Variants in ADGRL3 observed in about 807,000 individuals in gnomAD.
ADGRL3 encodes the protein calcium-independent alpha-latrotoxin receptor 3.
Under a neutral mutation model 153.5 loss-of-function variants are expected in ADGRL3, and 62 were observed. That is an observed-to-expected ratio of 0.40 (90% confidence interval 0.33 to 0.50). The LOEUF (loss-of-function observed/expected upper bound fraction) is 0.50. Among genes scored for constraint, ADGRL3 ranks in the 20% least tolerant of loss-of-function variants. ADGRL3 has a pLI of 0.47. For missense variants in ADGRL3, 1,641 were observed against 1,859.4 expected (o/e 0.88, Z 2.16); for synonymous variants, 710 against 672.5 (o/e 1.06, Z -0.86).
intron 6 of ADGRL3, among the ~76,000 whole-genome samples, chr4:61,723,058 A>G (rs2096267565): frequency 6.6e-6 from 1 of 152,144 alleles, no homozygotes; most frequent in African/African-American, 2.4e-5. Flanking sequence ...AGGAAGTTTA[A>G]TTTTAGTCAA....
intron 17 of ADGRL3, among the ~76,000 whole-genome samples, chr4:61,959,965 G>A (rs189578761): frequency 6.6e-6 from 1 of 152,130 alleles, no homozygotes; most frequent in Non-Finnish European, 1.5e-5. Flanking sequence ...AGTATAAATA[G>A]TACTTTAACT....
intron 9 of ADGRL3, among the ~76,000 whole-genome samples, chr4:61,865,161 A>T (rs955679714): frequency 6.6e-6 from 1 of 152,204 alleles, no homozygotes; most frequent in Non-Finnish European, 1.5e-5. Context: ...GTATTTTCAT[A>T]ATCAATTTTC....
chr4:61,637,050 A>G (rs1357286754), intron 5 of ADGRL3, among the ~76,000 whole-genome samples: 1 of 152,152 alleles, frequency 6.6e-6, no homozygotes, highest in East Asian at 1.9e-4. Flanking sequence ...TACATATAAC[A>G]ATATTATGAG....
intron 18 of ADGRL3, among the ~76,000 whole-genome samples, chr4:61,982,095 T>C (rs1432854735): frequency 6.6e-6 from 1 of 152,208 alleles, no homozygotes; most frequent in Non-Finnish European, 1.5e-5. Flanking sequence ...GAATGTATCA[T>C]TTTATTCTCT....
intron 4 of ADGRL3, among the ~76,000 whole-genome samples, chr4:61,571,617 A>G (rs1352074741): frequency 1.3e-5 from 2 of 152,156 alleles, no homozygotes; most frequent in Non-Finnish European, 2.9e-5. Flanking sequence ...AGGCCCCCAG[A>G]TGGCTCTCTG....
intron 2 of ADGRL3, among the ~76,000 whole-genome samples, chr4:61,409,465 T>C (rs956154056): frequency 1.5e-4 from 22 of 147,886 alleles, no homozygotes; most frequent in Admixed American, 6.2e-4. Context: ...TTCATATTTA[T>C]CAAACAGGAT....
chr4:61,531,655 A>G (rs1219724714), intron 4 of ADGRL3, among the ~76,000 whole-genome samples: 3 of 152,174 alleles, frequency 2.0e-5, no homozygotes, highest in Non-Finnish European at 4.4e-5. Context: ...GAAATTACAA[A>G]TGAATAGATA....
intron 8 of ADGRL3, among the ~76,000 whole-genome samples, chr4:61,734,249 T>A (rs1451986613): frequency 2.0e-5 from 3 of 152,088 alleles, no homozygotes; most frequent in Admixed American, 1.3e-4. Context: ...TACCTTTAAT[T>A]TTTTTTTCAT....
intron 1 of ADGRL3, among the ~76,000 whole-genome samples, chr4:61,301,883 G>A (rs1020830715): frequency 6.6e-6 from 1 of 152,070 alleles, no homozygotes; most frequent in Non-Finnish European, 1.5e-5. Context: ...TATTACCAGA[G>A]CTTAAAAAGA....
chr4:61,781,520 C>T (rs1167796265), intron 8 of ADGRL3, among the ~76,000 whole-genome samples: 4 of 151,800 alleles, frequency 2.6e-5, no homozygotes, highest in South Asian at 2.1e-4. Flanking sequence ...GAGTAGTAGC[C>T]GGTTATTCTG....
At chr4:61,854,598 T>A (rs1344734478) in intron 9 of ADGRL3, among the ~76,000 whole-genome samples, 1 of 152,188 alleles carries the variant, frequency 6.6e-6, no homozygotes, top group East Asian at 1.9e-4. Flanking sequence ...GAGACAAATC[T>A]CCTGTAGAAA....
chr4:61,998,116 A>C, intron 20 of ADGRL3, 58 bp from the exon 21 acceptor site: 1 of 807,918 alleles, frequency 1.2e-6, no homozygotes, highest in Non-Finnish European at 2.0e-6. Flanking sequence ...TAGAGAATAA[A>C]TTTGCTTTTT....
At chr4:61,584,459 C>T (rs1272150644) in intron 4 of ADGRL3, among the ~76,000 whole-genome samples, 1 of 151,884 alleles carries the variant, frequency 6.6e-6, no homozygotes. Context: ...CAGTGAAGAC[C>T]CAGATTACAG....
At chr4:61,510,171 A>T (rs1182793809) in intron 3 of ADGRL3, among the ~76,000 whole-genome samples, 3 of 152,148 alleles carry the variant, frequency 2.0e-5, no homozygotes, top group Non-Finnish European at 2.9e-5. Flanking sequence ...TGTTTGTCAG[A>T]TGCATAGTTT....
At chr4:61,949,229 G>T (rs1488614761) in intron 17 of ADGRL3, among the ~76,000 whole-genome samples, 1 of 152,148 alleles carries the variant, frequency 6.6e-6, no homozygotes, top group East Asian at 1.9e-4. Context: ...GGCTGACTCA[G>T]ATCCCGTGTT....
intron 4 of ADGRL3, among the ~76,000 whole-genome samples, chr4:61,526,017 A>G (rs1358339673): frequency 2.6e-5 from 4 of 152,134 alleles, no homozygotes; most frequent in Admixed American, 1.3e-4. Flanking sequence ...GGGAGGGACA[A>G]GGAGGGATGC....
intron 10 of ADGRL3, 79 bp downstream of exon 10, chr4:61,893,037 T>TCCTCCTTTCCTCCCTC: frequency 1.2e-6 from 1 of 823,832 alleles, no homozygotes; most frequent in Non-Finnish European, 1.7e-6. Context: ...TCCTTTTCCT[T>TCCTCCTTTCCTCCCTC]CCTCCTTTCC....
intron 17 of ADGRL3, among the ~76,000 whole-genome samples, chr4:61,956,655 T>C (rs1009450964): frequency 6.6e-6 from 1 of 152,016 alleles, no homozygotes; most frequent in Non-Finnish European, 1.5e-5. Context: ...GGTTCTGGGG[T>C]TTTTGTGGTT....
At chr4:61,958,195 AC>A (rs1158428962) in intron 17 of ADGRL3, among the ~76,000 whole-genome samples, 1 of 151,994 alleles carries the variant, frequency 6.6e-6, no homozygotes, top group Admixed American at 6.6e-5. Context: ...CTTGTTTGCA[AC>A]CCCAGTGCCT....
Sources: gnomAD v4.1 joint callset for allele counts (sites outside exome capture counted in the v4.1 genomes callset) on GRCh38, gnomAD v4.1.1 for gene constraint, MANE v1.5 for transcripts, NCBI Gene and HGNC (gene_info 2026-07-23, HGNC 2026-07-21) for gene names.